TRPV3: variants seen among roughly 807,000 people sequenced by gnomAD.
TRPV3 encodes the protein VRL-3.
In TRPV3, 88 loss-of-function variants were observed where a neutral mutation model predicts 87.1. The observed-to-expected ratio is 1.01, with a 90% confidence interval of 0.85 to 1.21. TRPV3 has a LOEUF of 1.21. Ranked by LOEUF, TRPV3 falls within the 50% of genes most tolerant of loss-of-function variation. The pLI is 0.00. For missense variants in TRPV3, 1,054 were observed against 1,030.1 expected, an observed-to-expected ratio of 1.02 and a Z score of -0.32; for synonymous variants, 438 against 423.3, an observed-to-expected ratio of 1.03 and a Z score of -0.43.
At chr17:3,524,487 G>A in intron 12 of TRPV3, 124 bp from the exon 13 acceptor site, 1 of 1,231,508 alleles carries the variant, frequency 8.1e-7, no homozygotes, top group Non-Finnish European at 1.1e-6. Flanking sequence ...ATGCTGAAGA[G>A]ACCAGAATCA....
At chr17:3,525,024 G>A (rs1472579567) in intron 12 of TRPV3, among the ~76,000 whole-genome samples, 1 of 152,032 alleles carries the variant, frequency 6.6e-6, no homozygotes, top group African/African-American at 2.4e-5. Flanking sequence ...TTTTTTGGGG[G>A]GGTCAGGGGG....
In TRPV3 at chr17:3,551,361, C is replaced by G. The variant is rs574028258; in HGVS notation, c.119+3371G>C. Among the ~76,000 whole-genome samples, 6 of 152,342 alleles carry G rather than the reference C, an allele frequency of 3.9e-5. No homozygotes were observed. In the East Asian group the frequency reaches 1.2e-3, roughly 29 times the overall value. On this transcript the variant is annotated intron_variant, in intron 2 of 17. Transcript: ENST00000576742. ...ACTGCACACACTACATCCCACCCAG[C>G]GTCATAAGCACATGGCAAGGCCTTG...
chr17:3,542,253 G>A (rs532103707), intron 6 of TRPV3, among the ~76,000 whole-genome samples: 10 of 152,322 alleles, frequency 6.6e-5, no homozygotes, highest in Admixed American at 4.6e-4. Flanking sequence ...CACCACGCCC[G>A]GCCTTAGAGC....
Position 3,518,483 on chromosome 17 carries a change from C to A in TRPV3, c.2085+93G>T. ...AGCTTGTGCAGATTCTCAGGCCCCA[C>A]CTCAGACCCACTGGTGCTGACAGTA... On this transcript the variant is annotated intron_variant, in intron 15 of 17. Coordinates refer to ENST00000576742, the MANE Select transcript of TRPV3 (RefSeq NM_145068.4). This position sits in a 1 kb window ranked among gnomAD's most constrained non-coding sequence, Gnocchi z 4.3. The A allele has an allele frequency of 7.0e-7, 1 of 1,420,998 alleles. No homozygotes were observed. The highest frequency in any genetic ancestry group is 9.4e-7 in the Non-Finnish European group (1 of 1,064,922). 88.0% of individuals were successfully genotyped at this position (1,420,998 alleles called of 1,614,324 possible).
rs1401015378 is a variant in TRPV3 at position 3,511,540 on chromosome 17, C to T, written c.*2377G>A. 6.6e-6 allele frequency: 1 copy of T among 152,214 alleles called. No homozygotes were observed. The highest frequency in any genetic ancestry group is 1.5e-5 in the Non-Finnish European group (1 of 68,042). The allele number at this position is 152,214 out of a possible 1,614,324, so 9.4% of individuals were successfully genotyped here. A position where few individuals can be genotyped will look rare whatever the true frequency, so the allele number is the denominator to read the frequency against. On this transcript the variant is annotated 3_prime_UTR_variant, in exon 18 of 18. Transcript: ENST00000576742. ...TGATGCTTCTTGACTTATGGCTTCC[C>T]TTGGTAAACCTACCTAGGCTCAGAC...
chr17:3,555,869 G>A (rs1193565564), intron 1 of TRPV3, among the ~76,000 whole-genome samples: 1 of 151,906 alleles, frequency 6.6e-6, no homozygotes, highest in Non-Finnish European at 1.5e-5. Context: ...TATAGTCCTC[G>A]AACACCGCAT....
chr17:3,532,574 A>C (rs534702156), intron 8 of TRPV3, 83 bp downstream of exon 8: 1 of 1,509,542 alleles, frequency 6.6e-7, no homozygotes, highest in African/African-American at 1.4e-5. Flanking sequence ...GTGAATCCCC[A>C]GTAAGGCCCC....
rs181858546 is a variant in TRPV3, at chr17:3,524,456, G to A, written c.1578-93C>T. ...CCCCCAAACCTCCCTTAAACCCCCT[G>A]AACAGTCACCCCGGTGACGGATGCT... is the stretch of plus-strand genomic sequence containing the variant. On this transcript the variant is annotated intron_variant, in intron 12 of 17. Coordinates refer to ENST00000576742, the MANE Select transcript of TRPV3 (RefSeq NM_145068.4). 332 of 1,496,662 alleles carry A rather than the reference G, an allele frequency of 2.2e-4. 3 individuals carry two copies. In the East Asian group the frequency reaches 4.4e-3, roughly 20 times the overall value. 92.7% of individuals were successfully genotyped at this position (1,496,662 alleles called of 1,614,324 possible). A position where few individuals can be genotyped will look rare whatever the true frequency, so the allele number is the denominator to read the frequency against.
rs1414992565 is a variant in TRPV3, at chr17:3,557,242, C to T, written c.-3+434G>A. The stretch of plus-strand genomic sequence containing the variant: ...CAGGCCGCGGAGCCACAGCTGCTGA[C>T]TCAGCACCTGTGAGATGCCTGGGCC... On this transcript the variant is annotated intron_variant, in intron 1 of 17. Coordinates refer to ENST00000576742, the MANE Select transcript of TRPV3 (RefSeq NM_145068.4). This position sits in a 1 kb window ranked among gnomAD's most constrained non-coding sequence, Gnocchi z 4.5. Among the ~76,000 whole-genome samples, 1 of 152,148 alleles carries T rather than the reference C, an allele frequency of 6.6e-6. No homozygotes were observed. Among genetic ancestry groups the T allele is most frequent in the Non-Finnish European group, 1.5e-5 (1 of 68,008 alleles).
intron 7 of TRPV3, among the ~76,000 whole-genome samples, chr17:3,535,320 C>T: frequency 7.9e-6 from 1 of 127,166 alleles, no homozygotes; most frequent in Non-Finnish European, 1.7e-5. Flanking sequence ...TCCTTTCTCC[C>T]TCCTCCCTTC....
At chr17:3,535,433 C>T (rs1166251653) in intron 7 of TRPV3, 140 bp downstream of exon 7, 3 of 806,574 alleles carry the variant, frequency 3.7e-6, no homozygotes, top group African/African-American at 3.9e-5. Flanking sequence ...TCCCTTCCTC[C>T]CTCTCCCTCC....
At chr17:3,550,926 G>T (rs769243644) in intron 2 of TRPV3, among the ~76,000 whole-genome samples, 16 of 152,112 alleles carry the variant, frequency 1.1e-4, no homozygotes, top group Non-Finnish European at 1.9e-4. Flanking sequence ...AACCTTCCAG[G>T]GACTCCATGC....
chr17:3,530,320 A>G lies in TRPV3; in HGVS notation c.1066-117T>C. On this transcript the variant is annotated intron_variant, in intron 8 of 17. Transcript: ENST00000576742. The surrounding 1 kb of genome is among the most constrained non-coding windows in gnomAD (Gnocchi z 4.0). ...ATACACCCGCCCAGAATGGGTGGAG[A>G]CCTGCCTCTGCGCCTGGCGCCATGG... The G allele has an allele frequency of 9.8e-7, 1 of 1,018,668 alleles. No homozygotes were observed. 63.1% of individuals were successfully genotyped at this position (1,018,668 alleles called of 1,614,324 possible).
intron 2 of TRPV3, chr17:3,554,488 C>T (rs549856109): frequency 4.7e-5 from 19 of 404,190 alleles, no homozygotes; most frequent in African/African-American, 2.3e-4. Flanking sequence ...TCAGCACCCC[C>T]GATCCCTCCA....
chr17:3,524,497 A>G, intron 12 of TRPV3, 134 bp from the exon 13 acceptor site: 2 of 1,086,810 alleles, frequency 1.8e-6, no homozygotes, highest in Non-Finnish European at 2.6e-6. Flanking sequence ...GACCAGAATC[A>G]CGCTGCCTCA....
chr17:3,528,802 C>T lies in TRPV3; in HGVS notation c.1401+35G>A, dbSNP rs201377081. On this transcript the variant is annotated intron_variant, in intron 10 of 17. Transcript: ENST00000576742. The surrounding 1 kb of genome is among the most constrained non-coding windows in gnomAD (Gnocchi z 4.2). ...CAGCTCCAAGCCCCTCCAGCTCTGACGGCCCCATTTTCCCCCTCCAAGGGG... is the reference window on the plus strand; with the variant it reads ...CAGCTCCAAGCCCCTCCAGCTCTGATGGCCCCATTTTCCCCCTCCAAGGGG... 932 of 1,612,162 alleles carry T rather than the reference C, an allele frequency of 5.8e-4. 5 individuals are homozygous for T. In the African/African-American group the frequency reaches 9.7e-3, roughly 17 times the overall value.
Position 3,513,443 on chromosome 17 carries a change from A to G in TRPV3, c.*474T>C, listed in dbSNP as rs1434545503. The G allele has an allele frequency of 6.3e-6, 1 of 157,710 alleles. No homozygotes were observed. Among genetic ancestry groups the G allele is most frequent in the African/African-American group, 2.4e-5 (1 of 41,542 alleles). The allele number at this position is 157,710 out of a possible 1,614,324, so 9.8% of individuals were successfully genotyped here. A position where few individuals can be genotyped will look rare whatever the true frequency, so the allele number is the denominator to read the frequency against. ...CCCCCGCACACTCTGGGATGGGATC[A>G]CGGGTCTCCCACAAATTCAGGCAAC... On this transcript the variant is annotated 3_prime_UTR_variant, in exon 18 of 18. Coordinates refer to ENST00000576742, the MANE Select transcript of TRPV3 (RefSeq NM_145068.4).
Position 3,530,050 on chromosome 17 carries a change from T to C in TRPV3, c.1219A>G (p.Thr407Ala). The C allele has an allele frequency of 2.5e-6, 4 of 1,613,710 alleles. No individual in the cohort carries two copies. The highest frequency in any genetic ancestry group is 3.4e-6 in the Non-Finnish European group (4 of 1,179,782). ...TTTDNSVLEITVYNTNIDNRH... is the reference protein window; with the variant it reads ...TTTDNSVLEIAVYNTNIDNRH... ...ACGTCGATGTTGGTGTTGTAGACAG[T>C]GATTTCCAGCACTGAGTTGTCCGTG... Residue 407 changes from threonine (T) to alanine (A), a missense_variant, in exon 9 of 18, where the codon ACT becomes GCT. By Grantham distance (58) the Thr-to-Ala change is moderately conservative. Transcript: ENST00000576742. The surrounding 1 kb of genome is among the most constrained non-coding windows in gnomAD (Gnocchi z 4.0).
chr17:3,513,173 C>CT lies in TRPV3; in HGVS notation c.*743dup, dbSNP rs534977203. The CT allele has an allele frequency of 5.9e-5, 9 of 152,648 alleles. No homozygotes were observed. Among genetic ancestry groups the CT allele is most frequent in the Non-Finnish European group, 1.3e-4 (9 of 68,054 alleles). 9.5% of individuals were successfully genotyped at this position (152,648 alleles called of 1,614,324 possible). A position where few individuals can be genotyped will look rare whatever the true frequency, so the allele number is the denominator to read the frequency against. On this transcript the variant is annotated 3_prime_UTR_variant, in exon 18 of 18. Transcript: ENST00000576742. ...CCCCAAAGCCCCCAGTCTGTCTCCA[C>CT]TTTTAAAATCACAAACTTCATTGTA... is the stretch of plus-strand genomic sequence containing the variant.
Sources: allele counts gnomAD v4.1 joint callset (sites outside exome capture counted in the v4.1 genomes callset), GRCh38; gene constraint gnomAD v4.1.1; non-coding constraint Gnocchi (gnomAD v3.1); transcripts MANE v1.5; gene names NCBI Gene and HGNC (gene_info 2026-07-23, HGNC 2026-07-21).